The following NRXN1 variants were observed in gnomAD, a reference collection of about 807,000 sequenced individuals.
NRXN1 encodes the protein neurexin 1, also known as neurexin-1.
NRXN1 carries 39 observed loss-of-function variants against 150.9 expected under a neutral mutation model. The ratio of observed to expected loss-of-function variants is 0.26; its 90% confidence interval spans 0.20 to 0.34. NRXN1 has a LOEUF of 0.34. Ranked by LOEUF, NRXN1 falls within the 10% of genes least tolerant of loss-of-function variation. NRXN1 has a pLI of 1.00. For missense variants in NRXN1, 1,815 were observed against 1,949.9 expected (o/e 0.93, Z 1.30); for synonymous variants, 924 against 757.0 (o/e 1.22, Z -3.62).
chr2:50,066,188 T>C (rs370134605), intron 19 of NRXN1, among the ~76,000 whole-genome samples: 7 of 152,300 alleles, frequency 4.6e-5, no homozygotes, highest in South Asian at 2.1e-4. Context: ...CTCAATAAAG[T>C]CAATATATAA....
intron 17 of NRXN1, chr2:50,417,153 A>G (rs1185751997): frequency 6.6e-6 from 1 of 152,064 alleles, no homozygotes; most frequent in Non-Finnish European, 1.5e-5. Context: ...AAGCGGTCAA[A>G]CCAGTTTTCC....
At chr2:50,989,987 T>C (rs77965700) in intron 2 of NRXN1, among the ~76,000 whole-genome samples, 2,100 of 151,710 alleles carry the variant, frequency 0.014, 32 homozygotes, top group East Asian at 0.089. Flanking sequence ...GTACTTGATA[T>C]TGTCATTTTT....
chr2:50,735,889 C>T (rs901917860), intron 5 of NRXN1, among the ~76,000 whole-genome samples: 4 of 152,174 alleles, frequency 2.6e-5, no homozygotes, highest in African/African-American at 9.7e-5. Context: ...TCATCCAGGT[C>T]CAAGACATTA....
At chr2:50,920,938 TTCC>T (rs1464895098) in intron 5 of NRXN1, among the ~76,000 whole-genome samples, 1 of 151,700 alleles carries the variant, frequency 6.6e-6, no homozygotes, top group Non-Finnish European at 1.5e-5. Flanking sequence ...CAGAAAAGTT[TTCC>T]TGCTAGATGA....
chr2:50,101,122 T>C (rs901586015), intron 18 of NRXN1, among the ~76,000 whole-genome samples: 33 of 152,126 alleles, frequency 2.2e-4, no homozygotes, highest in Non-Finnish European at 2.9e-4. Flanking sequence ...TTAAAAATTA[T>C]TGTTGCTTTA....
chr2:50,412,156 C>G (rs2083234502), intron 17 of NRXN1, among the ~76,000 whole-genome samples: 1 of 151,790 alleles, frequency 6.6e-6, no homozygotes, highest in Admixed American at 6.6e-5. Flanking sequence ...TCTCAAGTAC[C>G]CAGGGACACA....
chr2:50,640,074 T>C (rs1205074548), intron 5 of NRXN1, among the ~76,000 whole-genome samples: 1 of 152,106 alleles, frequency 6.6e-6, no homozygotes, highest in Non-Finnish European at 1.5e-5. Flanking sequence ...TGTGAGAAAA[T>C]GTCTAGTATT....
intron 8 of NRXN1, among the ~76,000 whole-genome samples, chr2:50,593,847 T>C (rs1370318254): frequency 6.6e-6 from 1 of 152,172 alleles, no homozygotes; most frequent in Non-Finnish European, 1.5e-5. Flanking sequence ...TAAAGAAAAG[T>C]AACTATCACC....
chr2:49,979,568 C>T (rs988873429), intron 21 of NRXN1, among the ~76,000 whole-genome samples: 4 of 152,114 alleles, frequency 2.6e-5, no homozygotes, highest in African/African-American at 9.7e-5. Context: ...ATTTGCACTA[C>T]AGTCATGATG....
chr2:50,808,918 A>G (rs1667855016), intron 5 of NRXN1, among the ~76,000 whole-genome samples: 1 of 152,166 alleles, frequency 6.6e-6, no homozygotes, highest in African/African-American at 2.4e-5. Context: ...AGGTAATCAT[A>G]CCATCCTGAC....
chr2:50,797,325 T>C (rs898843044), intron 5 of NRXN1, among the ~76,000 whole-genome samples: 1 of 152,000 alleles, frequency 6.6e-6, no homozygotes, highest in African/African-American at 2.4e-5. Context: ...AGACAGTAGT[T>C]CTCAATCACT....
chr2:50,923,460 A>T, intron 3 of NRXN1: 1 of 285,332 alleles, frequency 3.5e-6, no homozygotes, highest in Non-Finnish European at 7.5e-6. Context: ...GGAATTCTTT[A>T]AAGGACATTG....
At chr2:49,922,656 A>G (rs948738378) in intron 22 of NRXN1, among the ~76,000 whole-genome samples, 4 of 152,236 alleles carry the variant, frequency 2.6e-5, no homozygotes, top group Non-Finnish European at 5.9e-5. Flanking sequence ...GCTCTAGAAC[A>G]TAGGTCTAAC....
chr2:50,085,695 T>TA (rs11398338), intron 19 of NRXN1, among the ~76,000 whole-genome samples: 139,379 of 151,550 alleles, frequency 0.92, 64,281 homozygotes, highest in East Asian at 1. Context: ...AAATTATAAA[T>TA]TCTATGGTTA....
intron 5 of NRXN1, among the ~76,000 whole-genome samples, chr2:50,893,575 T>G (rs887409067): frequency 3.3e-5 from 5 of 152,168 alleles, no homozygotes; most frequent in African/African-American, 9.6e-5. Flanking sequence ...GTCATATAAC[T>G]CAAGTGTCGG....
At chr2:50,355,320 T>C (rs946775688) in intron 17 of NRXN1, among the ~76,000 whole-genome samples, 36 of 150,316 alleles carry the variant, frequency 2.4e-4, no homozygotes, top group Non-Finnish European at 1.2e-4. Flanking sequence ...GGTTACACAT[T>C]TTGTCAGAGA....
At chr2:50,945,897 T>TATAC (rs1254407031) in intron 2 of NRXN1, among the ~76,000 whole-genome samples, 2 of 143,918 alleles carry the variant, frequency 1.4e-5, no homozygotes, top group Non-Finnish European at 3.0e-5. Flanking sequence ...TATATATATA[T>TATAC]ATACACACAC....
intron 2 of NRXN1, among the ~76,000 whole-genome samples, chr2:50,958,044 G>C (rs1297574375): frequency 1.3e-5 from 2 of 152,064 alleles, no homozygotes; most frequent in Non-Finnish European, 2.9e-5. Flanking sequence ...CTACAGATCA[G>C]AATCCTCTGT....
intron 15 of NRXN1, among the ~76,000 whole-genome samples, chr2:50,475,927 T>C (rs911486328): frequency 2.6e-5 from 4 of 151,956 alleles, no homozygotes; most frequent in Non-Finnish European, 5.9e-5. Context: ...TGAGTCCCTG[T>C]GCATGTGAAG....
Sources: allele counts gnomAD v4.1 joint callset (sites outside exome capture counted in the v4.1 genomes callset), GRCh38; gene constraint gnomAD v4.1.1; transcripts MANE v1.5; gene names NCBI Gene and HGNC (gene_info 2026-07-23, HGNC 2026-07-21).